The following ZNF485 variants were observed in gnomAD, a reference collection of about 807,000 sequenced individuals.
The protein encoded by ZNF485 is zinc finger protein 485, also known as Zinc finger protein 93 (Zinc finger protein HTF34).
Under a neutral mutation model 10.8 loss-of-function variants are expected in ZNF485, and 9 were observed. The ratio of observed to expected loss-of-function variants is 0.83; its 90% confidence interval spans 0.50 to 1.45. ZNF485 has a LOEUF of 1.45. Among genes scored for constraint, ZNF485 ranks in the 40% most tolerant of loss-of-function variants. ZNF485 has a pLI of 0.00. For missense variants in ZNF485, 487 were observed against 528.0 expected, an observed-to-expected ratio of 0.92 and a Z score of 0.76; for synonymous variants, 187 against 181.0, an observed-to-expected ratio of 1.03 and a Z score of -0.27.
chr10:43,614,761 T>C (rs978305264), intron 4 of ZNF485, among the ~76,000 whole-genome samples: 10 of 152,224 alleles, frequency 6.6e-5, no homozygotes, highest in Non-Finnish European at 1.5e-4. Flanking sequence ...GATATTCTTC[T>C]GTGTTAATTT....
intron 2 of ZNF485, among the ~76,000 whole-genome samples, chr10:43,608,140 T>C (rs1378701418): frequency 6.6e-6 from 1 of 152,218 alleles, no homozygotes; most frequent in Non-Finnish European, 1.5e-5. Context: ...TTTTCAAAGT[T>C]TCTATTCATT....
At chr10:43,611,945 C>G (rs1838776864) in intron 4 of ZNF485, among the ~76,000 whole-genome samples, 1 of 152,042 alleles carries the variant, frequency 6.6e-6, no homozygotes, top group South Asian at 2.1e-4. Context: ...TTTATATCAG[C>G]TTTATATTAA....
At chr10:43,611,304 G>A (rs956607697) in intron 4 of ZNF485, among the ~76,000 whole-genome samples, 23 of 152,070 alleles carry the variant, frequency 1.5e-4, no homozygotes, top group Non-Finnish European at 2.9e-4. Flanking sequence ...GTGGCCTCAA[G>A]CAATCCTCTT....
Position 43,616,718 on chromosome 10 carries a change from G to A in ZNF485, c.675G>A (p.Lys225=). The change falls in exon 5 of 5, where the codon AAG becomes AAA. Residue 225 remains lysine (K), a synonymous_variant. Coordinates refer to ENST00000361807, the MANE Select transcript of ZNF485 (RefSeq NM_145312.4). ...KCIECGKTFR[K]NSILLSHQRI... ...TTGAATGTGGAAAAACTTTCAGAAA[G>A]AACTCAATCCTTTTAAGTCATCAGA... is the stretch of plus-strand genomic sequence containing the variant. 1.9e-6 allele frequency: 3 copies of A among 1,614,090 alleles called. No homozygotes were observed. Among genetic ancestry groups the A allele is most frequent in the Non-Finnish European group, 2.5e-6 (3 of 1,180,036 alleles).
chr10:43,608,723 G>A lies in ZNF485; in HGVS notation c.134G>A (p.Gly45Glu). 6.2e-7 allele frequency: 1 copy of A among 1,614,058 alleles called. No individual in the cohort carries two copies. Among genetic ancestry groups the A allele is most frequent in the South Asian group, 1.1e-5 (1 of 91,060 alleles). ...AGGGATGTGATGCTGGAGAACTATG[G>A]GAATCTGGTGTCTGTGGGTGAGGAT... is the stretch of plus-strand genomic sequence containing the variant. Reference protein sequence around the residue: ...LYRDVMLENYGNLVSVGLLSS... With the variant: ...LYRDVMLENYENLVSVGLLSS... The change falls in exon 3 of 5, where the codon GGG becomes GAG. Residue 45 changes from glycine to glutamate, a missense_variant. Transcript: ENST00000361807.
At chr10:43,611,776 A>C (rs1838772362) in intron 4 of ZNF485, among the ~76,000 whole-genome samples, 1 of 152,186 alleles carries the variant, frequency 6.6e-6, no homozygotes, top group East Asian at 1.9e-4. Context: ...CATTTTGAGC[A>C]ACCCTTGTAT....
intron 4 of ZNF485, among the ~76,000 whole-genome samples, chr10:43,614,363 C>T (rs1333963935): frequency 6.6e-6 from 1 of 152,154 alleles, no homozygotes; most frequent in African/African-American, 2.4e-5. Context: ...TGATGAATAG[C>T]AGTTCTTCCT....
intron 4 of ZNF485, among the ~76,000 whole-genome samples, chr10:43,614,998 A>G (rs2132352985): frequency 6.6e-6 from 1 of 152,314 alleles, no homozygotes; most frequent in Admixed American, 6.5e-5. Context: ...AATTTTCTCT[A>G]GTTTGATCAT....
chr10:43,609,119 G>A, intron 3 of ZNF485, 136 bp from the exon 4 acceptor site: 1 of 695,314 alleles, frequency 1.4e-6, no homozygotes, highest in Non-Finnish European at 2.4e-6. Context: ...AGGCCTCTCT[G>A]ACCTGTCCAT....
rs781616020 is a variant in ZNF485 at position 43,616,809 on chromosome 10, G to C, written c.766G>C (p.Ala256Pro). The change falls in exon 5 of 5, where the codon GCT (alanine) becomes CCT (proline). Residue 256 changes from alanine (A) to proline (P), a missense_variant. Physicochemically the swap from Ala to Pro is conservative, Grantham distance 27. Coordinates refer to ENST00000361807, the MANE Select transcript of ZNF485 (RefSeq NM_145312.4). Reference protein sequence around the residue: ...DCGKAFAQNAALTRHERIHSG... With the variant: ...DCGKAFAQNAPLTRHERIHSG... Reference sequence around the variant, plus strand: ...TGGGAAAGCCTTCGCTCAGAATGCAGCTCTTACTCGTCATGAAAGAATACA... The same window carrying C: ...TGGGAAAGCCTTCGCTCAGAATGCACCTCTTACTCGTCATGAAAGAATACA... The C allele has an allele frequency of 6.2e-7, 1 of 1,614,078 alleles. No individual in the cohort carries two copies. Among genetic ancestry groups the C allele is most frequent in the Admixed American group, 1.7e-5 (1 of 60,028 alleles).
rs917573604 is a variant in ZNF485, at chr10:43,606,997, A to T, written c.-54A>T. 12 of 1,550,814 alleles carry T rather than the reference A, an allele frequency of 7.7e-6. No homozygotes were observed. The highest frequency in any genetic ancestry group is 1.4e-5 in the African/African-American group (1 of 73,012). On this transcript the variant is annotated splice_region_variant and 5_prime_UTR_variant, in exon 2 of 5. Transcript: ENST00000361807. ...CTCAATTTCCTCTCTTCTTTCCCAG[A>T]TTGACTTACGCAGGATTCTCAGCCC...
chr10:43,609,205 T>G, intron 3 of ZNF485, 50 bp from the exon 4 acceptor site: 1 of 1,437,654 alleles, frequency 7.0e-7, no homozygotes, highest in Non-Finnish European at 9.7e-7. Context: ...CACATTCCTT[T>G]TCATTCATTT....
At chr10:43,616,108 A>G (rs139980322) in intron 4 of ZNF485, among the ~76,000 whole-genome samples, 183 bp from the exon 5 acceptor site, 195 of 152,270 alleles carry the variant, frequency 1.3e-3, no homozygotes, top group African/African-American at 4.4e-3. Flanking sequence ...CTTTAAAATC[A>G]TACTTCCTTT....
In ZNF485 at chr10:43,617,055, A is replaced by AG. The variant is rs771417605; in HGVS notation, c.1013dup (p.Ser338ArgfsTer15). ...TAAATGTGGAAAATCTTTCAGGTAT[A>AG]GCTCATCCTTTGCTGGTCATCAGAA... On this transcript the variant is annotated frameshift_variant, in exon 5 of 5. Coordinates refer to ENST00000361807, the MANE Select transcript of ZNF485 (RefSeq NM_145312.4). LOFTEE classifies it low-confidence loss of function (END_TRUNC). 6.2e-7 allele frequency: 1 copy of AG among 1,614,250 alleles called. No homozygotes were observed. Among genetic ancestry groups the AG allele is most frequent in the Non-Finnish European group, 8.5e-7 (1 of 1,180,050 alleles).
At chr10:43,607,244 A>G (rs1326450844) in intron 2 of ZNF485, 170 bp downstream of exon 2, 5 of 732,108 alleles carry the variant, frequency 6.8e-6, no homozygotes, top group Non-Finnish European at 1.2e-5. Context: ...TCATTCACCA[A>G]GTAGATTATT....
At chr10:43,609,537 T>G (rs565391799) in intron 4 of ZNF485, among the ~76,000 whole-genome samples, 187 bp downstream of exon 4, 12 of 152,364 alleles carry the variant, frequency 7.9e-5, no homozygotes, top group Admixed American at 7.2e-4. Flanking sequence ...GGAGGGCTGC[T>G]GCCTTCCTGA....
chr10:43,613,761 T>G (rs1415444650), intron 4 of ZNF485, among the ~76,000 whole-genome samples: 1 of 152,234 alleles, frequency 6.6e-6, no homozygotes, highest in Non-Finnish European at 1.5e-5. Context: ...AGAGTTTTGT[T>G]CCCAGTTATA....
rs367633877 is a variant in ZNF485 at position 43,616,432 on chromosome 10, A to G, written c.389A>G (p.Tyr130Cys). The G allele has an allele frequency of 9.5e-5, 153 of 1,614,086 alleles. No individual in the cohort carries two copies. The highest frequency in any genetic ancestry group is 3.4e-4 in the South Asian group (31 of 91,090). Residue 130 changes from tyrosine (Y) to cysteine (C), a missense_variant, in exon 5 of 5, where the codon TAT becomes TGT. Physicochemically the swap from Tyr to Cys is radical, Grantham distance 194. Coordinates refer to ENST00000361807, the MANE Select transcript of ZNF485 (RefSeq NM_145312.4). The part of the protein sequence containing the change: ...WEGRSSTEKN[Y>C]KCKECGKVFK... ...GGCAGAAGCTCCACAGAGAAGAACT[A>G]TAAGTGCAAGGAATGTGGGAAAGTC...
intron 3 of ZNF485, 71 bp downstream of exon 3, chr10:43,608,811 T>C (rs758210580): frequency 1.3e-6 from 2 of 1,557,220 alleles, no homozygotes; most frequent in Non-Finnish European, 1.7e-6. Context: ...GGGTGAATGG[T>C]TTGGGGTATT....
Sources: gnomAD v4.1 joint callset for allele counts (sites outside exome capture counted in the v4.1 genomes callset) on GRCh38, gnomAD v4.1.1 for gene constraint, MANE v1.5 for transcripts, NCBI Gene and HGNC (gene_info 2026-07-23, HGNC 2026-07-21) for gene names.